The following SUPT7L variants were observed in gnomAD, a reference collection of about 807,000 sequenced individuals.
The protein encoded by SUPT7L is SPT7 like, STAGA complex subunit gamma.
SUPT7L carries 15 observed loss-of-function variants against 35.7 expected under a neutral mutation model. That is an observed-to-expected ratio of 0.42 (90% CI 0.28 to 0.65). SUPT7L has a LOEUF of 0.65. Ranked by LOEUF, SUPT7L falls within the 30% of genes least tolerant of loss-of-function variation. The pLI, the probability that SUPT7L is intolerant of heterozygous loss-of-function variation, is 0.23. For synonymous variants in SUPT7L, 168 were observed against 186.2 expected, an observed-to-expected ratio of 0.90 and a Z score of 0.79; for missense variants, 434 against 522.2, an observed-to-expected ratio of 0.83 and a Z score of 1.65.
chr2:27,661,453 A>G, intron 2 of SUPT7L, 65 bp from the exon 3 acceptor site: 1 of 1,597,844 alleles, frequency 6.3e-7, no homozygotes, highest in Non-Finnish European at 8.5e-7. Flanking sequence ...CCTAAAAGTA[A>G]TGTGTTTAAA....
chr2:27,647,581 C>A (rs1674297627), downstream of SUPT7L, among the ~76,000 whole-genome samples: 1 of 152,172 alleles, frequency 6.6e-6, no homozygotes, highest in Non-Finnish European at 1.5e-5. Flanking sequence ...ACTAGTAAGA[C>A]AAGCTTCTTG....
In SUPT7L at chr2:27,653,468, A is replaced by G. The variant is rs1674649745; in HGVS notation, c.*17T>C. 1 of 1,609,634 alleles carries G rather than the reference A, an allele frequency of 6.2e-7. No individual in the cohort carries two copies. On this transcript the variant is annotated 3_prime_UTR_variant, in exon 6 of 6. Coordinates refer to ENST00000337768, the MANE Select transcript of SUPT7L (RefSeq NM_014860.3). ...TGGGTCTAGTAGGTCTGGACAAAAC[A>G]TCTCCCTCTTTTCCTTTTATATTTT...
chr2:27,657,062 A>T lies in SUPT7L; in HGVS notation c.744+283T>A, dbSNP rs1445076759. The stretch of plus-strand genomic sequence containing the variant: ...CTCGACTCTCAACAGGCACTCAATA[A>T]ATACTTGTTGAATAAAATCAGACTA... On this transcript the variant is annotated intron_variant, in intron 4 of 5. Transcript: ENST00000337768. This position sits in a 1 kb window ranked among gnomAD's most constrained non-coding sequence, Gnocchi z 5.2. 6.6e-6 allele frequency among the ~76,000 whole-genome samples: 1 copy of T among 152,216 alleles called. No individual in the cohort carries two copies. Among genetic ancestry groups the T allele is most frequent in the East Asian group, 1.9e-4 (1 of 5,200 alleles).
chr2:27,651,069 A>T lies in SUPT7L; in HGVS notation c.*2416T>A, dbSNP rs1260877662. 6.6e-6 allele frequency: 1 copy of T among 152,438 alleles called. No homozygotes were observed. Among genetic ancestry groups the T allele is most frequent in the South Asian group, 2.1e-4 (1 of 4,832 alleles). 9.4% of individuals were successfully genotyped at this position (152,438 alleles called of 1,614,324 possible). On this transcript the variant is annotated 3_prime_UTR_variant, in exon 6 of 6. Coordinates refer to ENST00000337768, the MANE Select transcript of SUPT7L (RefSeq NM_014860.3). ...AACTTAATGCAAAGTCTCCTTGGTG[A>T]TTTTCGCAAAGTCCGTGGATTTGGG...
chr2:27,650,576 A>C (rs1410188007), downstream of SUPT7L: 1 of 157,880 alleles, frequency 6.3e-6, no homozygotes, highest in African/African-American at 2.4e-5. Flanking sequence ...TTATTAGGCT[A>C]GATGTATAGC....
intron 4 of SUPT7L, among the ~76,000 whole-genome samples, chr2:27,656,727 G>A (rs1160385494): frequency 2.0e-5 from 3 of 151,906 alleles, no homozygotes; most frequent in Non-Finnish European, 2.9e-5. Context: ...TAACTTCCTG[G>A]TCTCAAGTGA....
chr2:27,650,212 A>G, downstream of SUPT7L: 1 of 1,483,652 alleles, frequency 6.7e-7, no homozygotes, highest in African/African-American at 1.4e-5. Flanking sequence ...AGACTTTAGC[A>G]CACTTCACTT....
chr2:27,657,387 G>T lies in SUPT7L; in HGVS notation c.702C>A (p.Phe234Leu). 6.2e-7 allele frequency: 1 copy of T among 1,614,250 alleles called. No homozygotes were observed. Among genetic ancestry groups the T allele is most frequent in the Non-Finnish European group, 8.5e-7 (1 of 1,180,042 alleles). ...GATAGTCCTTGATGCGGTGCTGCCA[G>T]AACTTCTGGAGGGAGAGCACACTGC... ...GIGSVLSLQK[F>L]WQHRIKDYHS... The change falls in exon 4 of 6, where the codon TTC (phenylalanine) becomes TTA (leucine). Residue 234 changes from phenylalanine (F) to leucine (L), a missense_variant. By Grantham distance (22) the Phe-to-Leu change is conservative (BLOSUM62 0). Around this residue, in one of 3 missense-constraint regions of SUPT7L, gnomAD observed 198 missense variants for 190.8 expected, o/e 1.04. Coordinates refer to ENST00000337768, the MANE Select transcript of SUPT7L (RefSeq NM_014860.3). The surrounding 1 kb of genome is among the most constrained non-coding windows in gnomAD (Gnocchi z 5.2).
chr2:27,658,436 T>TA (rs1674899413), intron 3 of SUPT7L, among the ~76,000 whole-genome samples: 1 of 152,208 alleles, frequency 6.6e-6, no homozygotes, highest in Non-Finnish European at 1.5e-5. Flanking sequence ...GCAGAAATCT[T>TA]AATTTTCCAA....
intron 5 of SUPT7L, 98 bp downstream of exon 5, chr2:27,655,257 CCACTGCTGCT>C: frequency 2.2e-6 from 2 of 924,918 alleles, no homozygotes; most frequent in Non-Finnish European, 1.6e-6. Flanking sequence ...TCCATTCTGC[CCACTGCTGCT>C]TTTGTTCTTC....
At chr2:27,648,951 G>A (rs1243527152), downstream of SUPT7L, among the ~76,000 whole-genome samples, 2 of 150,498 alleles carry the variant, frequency 1.3e-5, no homozygotes, top group Admixed American at 6.6e-5. Flanking sequence ...TCTGATTCTT[G>A]AAACAACCAT....
In SUPT7L at chr2:27,653,693, G is replaced by A; in HGVS notation, c.1037C>T (p.Pro346Leu). 3 of 1,614,156 alleles carry A rather than the reference G, an allele frequency of 1.9e-6. No homozygotes were observed. The highest frequency in any genetic ancestry group is 2.5e-6 in the Non-Finnish European group (3 of 1,180,038). ...LWNLAHVKMEPQESEEGNVSG... is the reference protein window; with the variant it reads ...LWNLAHVKMELQESEEGNVSG... ...GACATTGCCTTCTTCACTTTCTTGA[G>A]GCTCCATTTTCACATGGGCCAGATT... Residue 346 changes from proline (P) to leucine (L), a missense_variant, in exon 6 of 6, where the codon CCT (proline) becomes CTT (leucine). Pro to Leu is a moderately conservative substitution (Grantham distance 98). Around this residue, in one of 3 missense-constraint regions of SUPT7L, gnomAD observed 159 missense variants for 217.1 expected, o/e 0.73. Transcript: ENST00000337768.
Position 27,653,656 on chromosome 2 carries a change from ACCATG to A in SUPT7L, c.1069_1073del (p.His357CysfsTer5). 1 of 1,614,160 alleles carries A rather than the reference ACCATG, an allele frequency of 6.2e-7. No homozygotes were observed. The highest frequency in any genetic ancestry group is 1.3e-5 in the African/African-American group (1 of 75,040). Reference sequence around the variant, plus strand: ...CCTCGAAGACATCACTGCCCAGCACACCATGCCCAGAGACATTGCCTTCTTCACTT... The same window carrying A: ...CCTCGAAGACATCACTGCCCAGCACACCCAGAGACATTGCCTTCTTCACTT... On this transcript the variant is annotated frameshift_variant, in exon 6 of 6. Coordinates refer to ENST00000337768, the MANE Select transcript of SUPT7L (RefSeq NM_014860.3). LOFTEE classifies it high-confidence loss of function.
intron 3 of SUPT7L, among the ~76,000 whole-genome samples, chr2:27,660,497 T>C (rs1675046718): frequency 6.6e-6 from 1 of 152,236 alleles, no homozygotes; most frequent in Non-Finnish European, 1.5e-5. Context: ...GTCTTGGGGT[T>C]ACAGGCATGA....
intron 3 of SUPT7L, among the ~76,000 whole-genome samples, chr2:27,659,913 T>TA (rs1433807989): frequency 6.6e-6 from 1 of 152,234 alleles, no homozygotes; most frequent in African/African-American, 2.4e-5. Context: ...TGTTGACTAT[T>TA]ACACATTTCT....
In SUPT7L at chr2:27,651,309, G is replaced by C. The variant is rs1455205496; in HGVS notation, c.*2176C>G. The C allele has an allele frequency of 6.6e-6, 1 of 152,144 alleles. No individual in the cohort carries two copies. Among genetic ancestry groups the C allele is most frequent in the Non-Finnish European group, 1.5e-5 (1 of 68,024 alleles). The allele number at this position is 152,144 out of a possible 1,614,324, so 9.4% of individuals were successfully genotyped here. On this transcript the variant is annotated 3_prime_UTR_variant, in exon 6 of 6. Transcript: ENST00000337768. ...ATAACCTATGAACTCAGAAACCCTG[G>C]GGGTGGGCTGAGCAGTCTGTTTTAG...
chr2:27,660,069 T>C (rs1281543823), intron 3 of SUPT7L, among the ~76,000 whole-genome samples: 3 of 152,090 alleles, frequency 2.0e-5, no homozygotes, highest in Non-Finnish European at 1.5e-5. Context: ...TAAATGCACA[T>C]ACAAATCTCC....
At position 27,653,320 on chromosome 2, in the gene SUPT7L, TAAAATG is replaced by T; in HGVS notation, c.*159_*164del. 9.8e-7 allele frequency: 1 copy of T among 1,018,524 alleles called. No individual in the cohort carries two copies. The highest frequency in any genetic ancestry group is 1.4e-6 in the Non-Finnish European group (1 of 716,336). 63.1% of individuals were successfully genotyped at this position (1,018,524 alleles called of 1,614,324 possible). A position where few individuals can be genotyped will look rare whatever the true frequency, so the allele number is the denominator to read the frequency against. ...AAACTATAAAAACTGGATGCAAAAG[TAAAATG>T]CAACCTTGTTTGGTGACGTCCAGTT... is the stretch of plus-strand genomic sequence containing the variant. On this transcript the variant is annotated 3_prime_UTR_variant, in exon 6 of 6. Coordinates refer to ENST00000337768, the MANE Select transcript of SUPT7L (RefSeq NM_014860.3).
In SUPT7L at chr2:27,651,405, C is replaced by G. The variant is rs1361040351; in HGVS notation, c.*2080G>C. The G allele has an allele frequency of 6.6e-6, 1 of 152,368 alleles. No individual in the cohort carries two copies. Among genetic ancestry groups the G allele is most frequent in the Non-Finnish European group, 1.5e-5 (1 of 68,042 alleles). 9.4% of individuals were successfully genotyped at this position (152,368 alleles called of 1,614,324 possible). A position where few individuals can be genotyped will look rare whatever the true frequency, so the allele number is the denominator to read the frequency against. ...TCCAGACCAGGTGAATCTCAAGATA[C>G]TAATCCTCACATCATTTGCCTTCTC... On this transcript the variant is annotated 3_prime_UTR_variant, in exon 6 of 6. Transcript: ENST00000337768.
Sources: allele counts gnomAD v4.1 joint callset (sites outside exome capture counted in the v4.1 genomes callset), GRCh38; gene constraint gnomAD v4.1.1; regional missense constraint gnomAD v4.1.1; non-coding constraint Gnocchi (gnomAD v3.1); transcripts MANE v1.5; gene names NCBI Gene and HGNC (gene_info 2026-07-23, HGNC 2026-07-21).